PRKG1: variants seen among roughly 807,000 people sequenced by gnomAD.
The protein encoded by PRKG1 is cGMP-dependent protein kinase 1.
A neutral mutation model predicts 88.1 loss-of-function variants in PRKG1; 35 were observed. The ratio of observed to expected loss-of-function variants is 0.40; its 90% CI spans 0.30 to 0.53. PRKG1 has a LOEUF of 0.53. Among genes scored for constraint, PRKG1 ranks in the 20% least tolerant of loss-of-function variants. PRKG1 has a pLI of 0.59. For missense variants in PRKG1, 540 were observed against 839.8 expected (o/e 0.64, Z 4.41); for synonymous variants, 303 against 292.5 (o/e 1.04, Z -0.37).
At chr10:51,133,012 C>T (rs1038855603) in intron 1 of PRKG1, among the ~76,000 whole-genome samples, 2 of 152,020 alleles carry the variant, frequency 1.3e-5, no homozygotes, top group African/African-American at 4.8e-5. Flanking sequence ...GGCTTGGTGT[C>T]TGCATTTTAA....
intron 3 of PRKG1, among the ~76,000 whole-genome samples, chr10:51,518,514 T>C (rs1841653119): frequency 6.6e-6 from 1 of 152,208 alleles, no homozygotes; most frequent in African/African-American, 2.4e-5. Flanking sequence ...ATAGTCTGAC[T>C]TGTCTCTTAA....
intron 9 of PRKG1, among the ~76,000 whole-genome samples, chr10:52,228,709 C>G (rs777013712): frequency 2.8e-4 from 42 of 152,196 alleles, no homozygotes; most frequent in African/African-American, 4.3e-4. Flanking sequence ...ATCATACACA[C>G]AGTGCAAAGC....
At chr10:52,171,342 G>A (rs1353961987) in intron 9 of PRKG1, among the ~76,000 whole-genome samples, 1 of 152,120 alleles carries the variant, frequency 6.6e-6, no homozygotes, top group African/African-American at 2.4e-5. Flanking sequence ...CAATTAAATA[G>A]ACAAAACACT....
intron 7 of PRKG1, among the ~76,000 whole-genome samples, chr10:52,092,671 A>G (rs1228349890): frequency 6.6e-6 from 1 of 152,210 alleles, no homozygotes; most frequent in Non-Finnish European, 1.5e-5. Flanking sequence ...TTCACATAAA[A>G]TTAAGCACAT....
chr10:51,371,083 T>G (rs1317670230), intron 2 of PRKG1, among the ~76,000 whole-genome samples: 5 of 152,166 alleles, frequency 3.3e-5, no homozygotes, highest in Non-Finnish European at 7.3e-5. Flanking sequence ...TGCCTCCCTT[T>G]CCACCATCCG....
chr10:52,274,925 G>A (rs1308894655), intron 12 of PRKG1, among the ~76,000 whole-genome samples: 2 of 152,176 alleles, frequency 1.3e-5, no homozygotes, highest in East Asian at 3.9e-4. Context: ...GCATTCCCCT[G>A]ACCATTAGTG....
intron 10 of PRKG1, among the ~76,000 whole-genome samples, chr10:52,253,113 T>C (rs1410163166): frequency 6.6e-6 from 1 of 151,956 alleles, no homozygotes; most frequent in Admixed American, 6.6e-5. Context: ...TCTAAAACAG[T>C]CTCCAAATGA....
At chr10:51,629,469 A>G (rs529213171) in intron 3 of PRKG1, among the ~76,000 whole-genome samples, 3 of 151,730 alleles carry the variant, frequency 2.0e-5, no homozygotes, top group Non-Finnish European at 4.4e-5. Flanking sequence ...GGGTGATGGG[A>G]GACAGCGACA....
At chr10:51,085,259 A>G (rs554850277) in intron 1 of PRKG1, among the ~76,000 whole-genome samples, 21 of 152,226 alleles carry the variant, frequency 1.4e-4, no homozygotes, top group Non-Finnish European at 2.9e-4. Flanking sequence ...ACTAAGTAAC[A>G]CGTTTTGTAT....
At chr10:51,790,622 A>G (rs1045730548) in intron 3 of PRKG1, among the ~76,000 whole-genome samples, 1 of 152,140 alleles carries the variant, frequency 6.6e-6, no homozygotes, top group African/African-American at 2.4e-5. Context: ...AAATTTGTTC[A>G]TAGAGCATTG....
intron 5 of PRKG1, among the ~76,000 whole-genome samples, chr10:51,933,918 A>C (rs966138649): frequency 6.6e-6 from 1 of 152,164 alleles, no homozygotes; most frequent in African/African-American, 2.4e-5. Flanking sequence ...AATAACACTT[A>C]GTTGTAGTAT....
At chr10:51,645,413 G>A (rs1185191649) in intron 3 of PRKG1, among the ~76,000 whole-genome samples, 1 of 152,094 alleles carries the variant, frequency 6.6e-6, no homozygotes, top group Non-Finnish European at 1.5e-5. Flanking sequence ...AAATAAATAA[G>A]CAATCTTTTG....
chr10:51,765,345 C>A (rs1838130511), intron 3 of PRKG1, among the ~76,000 whole-genome samples: 1 of 152,190 alleles, frequency 6.6e-6, no homozygotes. Context: ...TTCAGGGAAT[C>A]TGAGAACTTT....
At chr10:52,057,205 ATTT>A (rs991384227) in intron 6 of PRKG1, among the ~76,000 whole-genome samples, 3 of 152,222 alleles carry the variant, frequency 2.0e-5, no homozygotes, top group Non-Finnish European at 4.4e-5. Context: ...AGTTCCACTT[ATTT>A]AAGTGTAAAA....
chr10:52,034,818 A>G (rs1845563077), intron 5 of PRKG1, among the ~76,000 whole-genome samples: 1 of 152,184 alleles, frequency 6.6e-6, no homozygotes, highest in African/African-American at 2.4e-5. Context: ...GGTGTCTGGA[A>G]TGAGACTGGG....
chr10:51,114,943 G>T (rs1049812941), intron 1 of PRKG1, among the ~76,000 whole-genome samples: 1 of 152,100 alleles, frequency 6.6e-6, no homozygotes, highest in Non-Finnish European at 1.5e-5. Context: ...TTGAATATTT[G>T]TTTTGGCTTA....
intron 7 of PRKG1, chr10:52,062,975 G>T (rs955274909): frequency 1.9e-5 from 11 of 580,648 alleles, no homozygotes; most frequent in Non-Finnish European, 3.1e-6. Context: ...AAGATAGTTG[G>T]TTGAAATTTT....
chr10:51,312,383 G>A (rs1841211054), intron 2 of PRKG1, among the ~76,000 whole-genome samples: 1 of 152,174 alleles, frequency 6.6e-6, no homozygotes, highest in African/African-American at 2.4e-5. Context: ...AGTTGTGGCA[G>A]AACTGCATCT....
intron 2 of PRKG1, among the ~76,000 whole-genome samples, chr10:51,358,924 C>T (rs1315097241): frequency 1.8e-5 from 2 of 113,972 alleles, no homozygotes; most frequent in Non-Finnish European, 3.6e-5. Flanking sequence ...ATAAATAAAA[C>T]GTTATTTATT....
Sources: gnomAD v4.1 joint callset for allele counts (sites outside exome capture counted in the v4.1 genomes callset) on GRCh38, gnomAD v4.1.1 for gene constraint, MANE v1.5 for transcripts, NCBI Gene and HGNC (gene_info 2026-07-23, HGNC 2026-07-21) for gene names.